Variants in SYTL2 observed in about 807,000 individuals in gnomAD.
SYTL2 encodes the protein synaptotagmin-like protein 2.
A neutral mutation model predicts 198.7 loss-of-function variants in SYTL2; 165 were observed. The ratio of observed to expected loss-of-function variants is 0.83; its 90% CI spans 0.73 to 0.94. The LOEUF (loss-of-function observed/expected upper bound fraction) is 0.94, where lower values mean the gene tolerates loss of function less well. Among genes scored for constraint, SYTL2 ranks in the 40% least tolerant of loss-of-function variants. SYTL2 has a pLI of 0.00. For synonymous variants in SYTL2, 966 were observed against 917.7 expected (o/e 1.05, Z -0.95); for missense variants, 2,835 against 2,582.8 (o/e 1.10, Z -2.12).
At position 85,725,464 on chromosome 11, in the gene SYTL2, C is replaced by T; in HGVS notation, c.3894G>A (p.Leu1298=). ...SGECQLSTQN[L]IQMAAEDSHP... The stretch of plus-strand genomic sequence containing the variant: ...GAGAATCTTCTGCAGCCATCTGAAT[C>T]AAATTCTGTGTGCTTAGCTGGCACT... Residue 1298 remains leucine (L), a synonymous_variant, in exon 8 of 20, where the codon TTG becomes TTA. Coordinates refer to ENST00000359152, the MANE Select transcript of SYTL2 (RefSeq NM_206927.4). 1 of 1,614,118 alleles carries T rather than the reference C, an allele frequency of 6.2e-7. No homozygotes were observed. The highest frequency in any genetic ancestry group is 8.5e-7 in the Non-Finnish European group (1 of 1,179,992).
Position 85,748,489 on chromosome 11 carries a change from C to A in SYTL2, c.102-66G>T, listed in dbSNP as rs148218295. ...GTAAATAAATGAGTTCATTATGACACCGCATAAAGACATGTGTAAACACAC... is the reference window on the plus strand; with the variant it reads ...GTAAATAAATGAGTTCATTATGACAACGCATAAAGACATGTGTAAACACAC... On this transcript the variant is annotated intron_variant, in intron 2 of 19. Transcript: ENST00000359152. 9.3e-6 allele frequency: 14 copies of A among 1,510,344 alleles called. No individual in the cohort carries two copies. The African/African-American group carries it at 1.9e-4, about 21-fold the overall frequency. The allele number at this position is 1,510,344 out of a possible 1,614,324, so 93.6% of individuals were successfully genotyped here. A position where few individuals can be genotyped will look rare whatever the true frequency, so the allele number is the denominator to read the frequency against.
intron 6 of SYTL2, among the ~76,000 whole-genome samples, chr11:85,736,195 T>C (rs2090325173): frequency 6.6e-6 from 1 of 152,194 alleles, no homozygotes; most frequent in African/African-American, 2.4e-5. Context: ...TAATAAATAC[T>C]GTTAAGTGGA....
the SYTL2 span, among the ~76,000 whole-genome samples, chr11:85,845,859 T>G: frequency 2.6e-5 from 4 of 152,102 alleles, no homozygotes; most frequent in Non-Finnish European, 5.9e-5. Context: ...GAGCTTGCAG[T>G]GAGCCAAGAT....
the SYTL2 span, among the ~76,000 whole-genome samples, chr11:85,851,428 G>A: frequency 1.3e-5 from 2 of 152,208 alleles, no homozygotes; most frequent in Non-Finnish European, 2.9e-5. Flanking sequence ...ATAAGACCCT[G>A]CAGTTGTTTC....
chr11:85,712,418 G>T (rs1388141895), intron 12 of SYTL2, among the ~76,000 whole-genome samples: 1 of 152,104 alleles, frequency 6.6e-6, no homozygotes, highest in African/African-American at 2.4e-5. Context: ...ATCTGGAATG[G>T]TGTTTTACAT....
At chr11:85,790,886 G>A (rs1227286578) in intron 1 of SYTL2, among the ~76,000 whole-genome samples, 2 of 152,066 alleles carry the variant, frequency 1.3e-5, no homozygotes, top group African/African-American at 4.8e-5. Flanking sequence ...TCAGTAGGCT[G>A]GGCGTGGTGG....
chr11:85,722,508 C>T (rs1488777483), intron 8 of SYTL2, among the ~76,000 whole-genome samples: 1 of 152,002 alleles, frequency 6.6e-6, no homozygotes. Context: ...TTTAGATAGG[C>T]TTTTTACTAT....
chr11:85,746,687 G>C (rs971897013), intron 3 of SYTL2, among the ~76,000 whole-genome samples: 1 of 152,176 alleles, frequency 6.6e-6, no homozygotes, highest in Admixed American at 6.5e-5. Context: ...TGTAAGCCTA[G>C]TTTCTTCAAC....
At chr11:85,780,519 T>C (rs1395341036) in intron 1 of SYTL2, among the ~76,000 whole-genome samples, 1 of 152,184 alleles carries the variant, frequency 6.6e-6, no homozygotes, top group East Asian at 1.9e-4. Flanking sequence ...ACTGTGTCCA[T>C]TGGTTTAATC....
At position 85,734,364 on chromosome 11, in the gene SYTL2, G is replaced by T; in HGVS notation, c.965C>A (p.Ser322Tyr). Reference sequence around the variant, plus strand: ...TAATGGCTCCAGGGAGTTTGGGGAAGAGTTGTCTTCTAAAGAATGCTCCTT... The same window carrying T: ...TAATGGCTCCAGGGAGTTTGGGGAATAGTTGTCTTCTAAAGAATGCTCCTT... ...SEKEHSLEDN[S>Y]SPNSLEPLKH... Residue 322 changes from serine (S) to tyrosine (Y), a missense_variant, in exon 7 of 20, where the codon TCT (serine) becomes TAT (tyrosine). Transcript: ENST00000359152. 1 of 1,614,194 alleles carries T rather than the reference G, an allele frequency of 6.2e-7. No homozygotes were observed. The highest frequency in any genetic ancestry group is 8.5e-7 in the Non-Finnish European group (1 of 1,180,012).
intron 3 of SYTL2, 118 bp downstream of exon 3, chr11:85,748,151 CATT>C (rs2091283925): frequency 8.6e-7 from 1 of 1,159,088 alleles, no homozygotes; most frequent in African/African-American, 1.5e-5. Context: ...GAGGGCCACA[CATT>C]ATGAAAAGTG....
chr11:85,831,022 G>A, the SYTL2 span, among the ~76,000 whole-genome samples: 1 of 152,144 alleles, frequency 6.6e-6, no homozygotes, highest in Admixed American at 6.6e-5. Flanking sequence ...CTACGCCCTG[G>A]GGTTTTATTC....
At chr11:85,813,677 C>T (rs1368410859), upstream of SYTL2, among the ~76,000 whole-genome samples, 1 of 152,030 alleles carries the variant, frequency 6.6e-6, no homozygotes, top group Non-Finnish European at 1.5e-5. Context: ...CTCTGGGTGA[C>T]TTTAGACAAG....
chr11:85,757,652 A>C lies in SYTL2; in HGVS notation c.74T>G (p.Leu25Arg). 6.2e-7 allele frequency: 1 copy of C among 1,613,866 alleles called. No individual in the cohort carries two copies. The highest frequency in any genetic ancestry group is 2.2e-5 in the East Asian group (1 of 44,882). The part of the protein sequence containing the change: ...IMKVLQRDAA[L>R]KRAEEERVRH... ...GACTCTCTCTTCTTCGGCCCTCTTC[A>C]GAGCAGCATCCCGCTGCAAAACCTT... Residue 25 changes from leucine to arginine, a missense_variant, in exon 2 of 20, where the codon CTG becomes CGG. By Grantham distance (102) the Leu-to-Arg change is moderately radical. This residue lies in a region of SYTL2 where 2,645 missense variants were observed against 2,381.7 expected (regional missense o/e 1.11). Transcript: ENST00000359152.
intron 1 of SYTL2, among the ~76,000 whole-genome samples, chr11:85,782,322 G>C (rs968364743): frequency 1.3e-5 from 2 of 152,128 alleles, no homozygotes; most frequent in Non-Finnish European, 2.9e-5. Context: ...ACAAGTCCTA[G>C]AGGCTGCACA....
chr11:85,843,760 A>G, the SYTL2 span, among the ~76,000 whole-genome samples: 2 of 152,206 alleles, frequency 1.3e-5, no homozygotes, highest in Admixed American at 1.3e-4. Context: ...AGAACCTACT[A>G]TGTGCCAGGA....
intron 8 of SYTL2, among the ~76,000 whole-genome samples, chr11:85,722,170 ATTTTTTTTTTTTTT>A (rs574669583): frequency 4.2e-5 from 4 of 94,636 alleles, no homozygotes; most frequent in South Asian, 6.8e-4. Flanking sequence ...TGTTTAGGTG[ATTTTTTTTTTTTTT>A]TTTTTTTTTT....
chr11:85,849,209 G>A, the SYTL2 span, among the ~76,000 whole-genome samples: 1 of 152,174 alleles, frequency 6.6e-6, no homozygotes, highest in Non-Finnish European at 1.5e-5. Flanking sequence ...CAGATGAGTA[G>A]GTTGTGAAAA....
In SYTL2 at chr11:85,707,636, A is replaced by G. The variant is rs780249641; in HGVS notation, c.5916-105T>C. The G allele has an allele frequency of 1.7e-4, 128 of 752,090 alleles. 1 individual carries two copies. Among genetic ancestry groups the G allele is most frequent in the Admixed American group, 7.8e-4 (32 of 41,116 alleles). The allele number at this position is 752,090 out of a possible 1,614,324, so 46.6% of individuals were successfully genotyped here. On this transcript the variant is annotated intron_variant, in intron 14 of 19. Transcript: ENST00000359152. ...AACTGACAGCAGAAATAATTATTTC[A>G]TGACACTGAGAAAAGCAGTGAATAA...
Sources: gnomAD v4.1 joint callset for allele counts (sites outside exome capture counted in the v4.1 genomes callset) on GRCh38, gnomAD v4.1.1 for gene constraint, gnomAD v4.1.1 regional missense constraint, MANE v1.5 for transcripts, NCBI Gene and HGNC (gene_info 2026-07-23, HGNC 2026-07-21) for gene names.